GIPC2: variants seen among roughly 807,000 people sequenced by gnomAD.
GIPC2 encodes the protein GIPC PDZ domain containing family member 2.
In GIPC2, 30 loss-of-function variants were observed where a neutral mutation model predicts 30.6. That is an observed-to-expected ratio of 0.98 (90% CI 0.73 to 1.33). GIPC2 has a LOEUF of 1.33. Among genes scored for constraint, GIPC2 ranks in the 40% most tolerant of loss-of-function variants. GIPC2 has a pLI of 0.00. For synonymous variants in GIPC2, 167 were observed against 150.0 expected (o/e 1.11, Z -0.83); for missense variants, 414 against 390.3 (o/e 1.06, Z -0.51).
intron 3 of GIPC2, among the ~76,000 whole-genome samples, chr1:78,104,189 G>GT (rs1662301846): frequency 1.3e-5 from 2 of 148,884 alleles, no homozygotes; most frequent in African/African-American, 5.1e-5. Flanking sequence ...GGGAGAGGGG[G>GT]CCGGGGGTGG....
intron 5 of GIPC2, among the ~76,000 whole-genome samples, chr1:78,132,851 C>T (rs1430567737): frequency 1.3e-5 from 2 of 152,098 alleles, no homozygotes; most frequent in Non-Finnish European, 2.9e-5. Flanking sequence ...CATCTTATTT[C>T]TTCCTCAGCT....
chr1:78,118,910 A>C (rs376048638), intron 3 of GIPC2, among the ~76,000 whole-genome samples: 1 of 152,188 alleles, frequency 6.6e-6, no homozygotes, highest in South Asian at 2.1e-4. Flanking sequence ...AATGTAAAGC[A>C]TCACACAGAG....
intron 1 of GIPC2, among the ~76,000 whole-genome samples, chr1:78,074,387 A>T (rs1263176310): frequency 3.3e-5 from 5 of 152,070 alleles, no homozygotes; most frequent in Non-Finnish European, 5.9e-5. Context: ...TCAGATAATT[A>T]TTTTTTTATT....
chr1:78,111,009 G>A (rs1662455692), intron 3 of GIPC2, among the ~76,000 whole-genome samples: 1 of 152,190 alleles, frequency 6.6e-6, no homozygotes, highest in South Asian at 2.1e-4. Context: ...GATTGCTGGT[G>A]CGCACATCCT....
intron 1 of GIPC2, among the ~76,000 whole-genome samples, chr1:78,055,664 C>A (rs1286567540): frequency 1.3e-5 from 2 of 152,110 alleles, no homozygotes; most frequent in African/African-American, 4.8e-5. Flanking sequence ...TGTGCCCTGC[C>A]TGTGTATCTT....
intron 5 of GIPC2, among the ~76,000 whole-genome samples, chr1:78,131,939 G>C (rs76081021): frequency 1.3e-5 from 2 of 152,038 alleles, no homozygotes; most frequent in African/African-American, 4.8e-5. Context: ...GCATTTTTTT[G>C]TTGTTTCTAC....
rs1474904578 is a variant in GIPC2, at chr1:78,083,439, G to T, written c.426+2579G>T. On this transcript the variant is annotated intron_variant, in intron 2 of 5. Transcript: ENST00000370759. ...GATTAACTTTTGTCACTTGTCTGAG[G>T]TAGTGTCCACTAGTCTTTTTCACTA... Among the ~76,000 whole-genome samples, 15 of 152,132 alleles carry T rather than the reference G, an allele frequency of 9.9e-5. No homozygotes were observed. The East Asian group carries it at 2.7e-3, about 27-fold the overall frequency.
In GIPC2 at chr1:78,107,153, G is replaced by C. The variant is rs544555434; in HGVS notation, c.607+12021G>C. ...CTTTCCCTCCTTCCCTCTCTCCCTT[G>C]CTCTCCCCCTTGCTCCCTCCCTCCC... On this transcript the variant is annotated intron_variant, in intron 3 of 5. Transcript: ENST00000370759. Among the ~76,000 whole-genome samples, 216 of 138,732 alleles carry C rather than the reference G, an allele frequency of 1.6e-3. 4 individuals carry two copies. Among genetic ancestry groups the C allele is most frequent in the African/African-American group, 5.8e-3 (211 of 36,654 alleles). 91.0% of individuals were successfully genotyped at this position (138,732 alleles called of 152,430 possible). A position where few individuals can be genotyped will look rare whatever the true frequency, so the allele number is the denominator to read the frequency against.
intron 2 of GIPC2, chr1:78,092,149 A>G (rs575600404): frequency 2.1e-4 from 165 of 780,838 alleles, no homozygotes; most frequent in Admixed American, 3.6e-4. Flanking sequence ...GACACACAAG[A>G]TGTTTTTATA....
At position 78,089,331 on chromosome 1, in the gene GIPC2, C is replaced by T. The variant is rs990431859; in HGVS notation, c.427-5621C>T. 3.3e-5 allele frequency among the ~76,000 whole-genome samples: 5 copies of T among 152,288 alleles called. No homozygotes were observed. The South Asian group carries it at 1.0e-3, about 32-fold the overall frequency. ...GCCTTCTCTCAAGTGGGAATGTTAG[C>T]ACCTACTTTATAGTATTATTTGGGG... On this transcript the variant is annotated intron_variant, in intron 2 of 5. Transcript: ENST00000370759.
At chr1:78,071,493 C>G (rs1394889081) in intron 1 of GIPC2, among the ~76,000 whole-genome samples, 1 of 150,554 alleles carries the variant, frequency 6.6e-6, no homozygotes, top group African/African-American at 2.4e-5. Context: ...TTTGCTCCTC[C>G]TCCTCTTCTT....
chr1:78,114,818 A>G (rs1662538704), intron 3 of GIPC2, among the ~76,000 whole-genome samples: 2 of 152,190 alleles, frequency 1.3e-5, no homozygotes, highest in Admixed American at 6.5e-5. Context: ...TGATGTGTCA[A>G]TGTAGGTTCA....
rs187868309 is a variant in GIPC2 at position 78,055,601 on chromosome 1, C to T, written c.240+9267C>T. Among the ~76,000 whole-genome samples the T allele has an allele frequency of 1.7e-3, 252 of 152,256 alleles. 1 individual carries two copies. The highest frequency in any genetic ancestry group is 5.5e-3 in the African/African-American group (227 of 41,524). ...TCTCATCCTCTTGACTTTGCTCCTC[C>T]CATTATTACCTCACCCCACTGTGTC... On this transcript the variant is annotated intron_variant, in intron 1 of 5. Transcript: ENST00000370759.
upstream of GIPC2, chr1:78,045,778 G>A: frequency 1.8e-6 from 2 of 1,126,876 alleles, no homozygotes; most frequent in Non-Finnish European, 2.2e-6. Context: ...GTATTGTTCT[G>A]TAGCGTCGGC....
intron 2 of GIPC2, among the ~76,000 whole-genome samples, chr1:78,094,349 A>G (rs1439597753): frequency 6.6e-6 from 1 of 152,250 alleles, no homozygotes; most frequent in African/African-American, 2.4e-5. Context: ...CCTCAAGGAT[A>G]TTAGTTTAGT....
intron 1 of GIPC2, among the ~76,000 whole-genome samples, chr1:78,074,579 G>C (rs1295504420): frequency 6.6e-6 from 1 of 152,114 alleles, no homozygotes; most frequent in Non-Finnish European, 1.5e-5. Context: ...CACAATTTAC[G>C]TGAGGATCAA....
At chr1:78,095,623 G>A (rs1036369899) in intron 3 of GIPC2, among the ~76,000 whole-genome samples, 1 of 152,148 alleles carries the variant, frequency 6.6e-6, no homozygotes, top group Non-Finnish European at 1.5e-5. Context: ...TTGGCAGCAT[G>A]GGATGGTATG....
intron 1 of GIPC2, among the ~76,000 whole-genome samples, chr1:78,050,674 G>A (rs575520942): frequency 2.0e-5 from 3 of 147,636 alleles, no homozygotes; most frequent in South Asian, 4.3e-4. Context: ...TCGCTCTGTC[G>A]CCCAGGCTGG....
intron 5 of GIPC2, among the ~76,000 whole-genome samples, chr1:78,130,121 T>TTTTTC (rs369892829): frequency 2.0e-5 from 3 of 146,822 alleles, no homozygotes; most frequent in Non-Finnish European, 3.0e-5. Flanking sequence ...TTTTTTTTTT[T>TTTTTC]CAGACAGAGT....
Sources: gnomAD v4.1 joint callset for allele counts (sites outside exome capture counted in the v4.1 genomes callset) on GRCh38, gnomAD v4.1.1 for gene constraint, MANE v1.5 for transcripts, NCBI Gene and HGNC (gene_info 2026-07-23, HGNC 2026-07-21) for gene names.